LSAMP: variants seen among roughly 807,000 people sequenced by gnomAD.
The protein encoded by LSAMP is limbic system-associated membrane protein.
A neutral mutation model predicts 38.6 loss-of-function variants in LSAMP; 7 were observed. That is an observed-to-expected ratio of 0.18 (90% CI 0.10 to 0.34). LSAMP has a LOEUF of 0.34. LSAMP is among the 10% of genes least tolerant of loss of function. The pLI, the probability that LSAMP is intolerant of heterozygous loss-of-function variation, is 1.00. For synonymous variants in LSAMP, 154 were observed against 166.8 expected, an observed-to-expected ratio of 0.92 and a Z score of 0.59; for missense variants, 313 against 420.0, an observed-to-expected ratio of 0.75 and a Z score of 2.23.
chr3:116,003,934 C>T (rs1402726350), intron 3 of LSAMP, among the ~76,000 whole-genome samples: 1 of 152,090 alleles, frequency 6.6e-6, no homozygotes, highest in Non-Finnish European at 1.5e-5. Context: ...AAGCCATGCA[C>T]GTTTGTGATT....
rs574207971 is a variant in LSAMP, at chr3:115,866,513, A to G, written c.515-13896T>C. On this transcript the variant is annotated intron_variant, in intron 3 of 6. Coordinates refer to ENST00000490035, the MANE Select transcript of LSAMP (RefSeq NM_002338.5). ...GGATTTTGTTACAAAAGCACCTTTG[A>G]TGGGTGGATAAGCTGTTGGTGAACT... 2.0e-5 allele frequency among the ~76,000 whole-genome samples: 3 copies of G among 152,230 alleles called. No homozygotes were observed. In the South Asian group the frequency reaches 6.2e-4, roughly 32 times the overall value.
chr3:116,034,043 G>A (rs1181277710), intron 2 of LSAMP, among the ~76,000 whole-genome samples: 1 of 152,032 alleles, frequency 6.6e-6, no homozygotes, highest in African/African-American at 2.4e-5. Context: ...TTGAGCACAG[G>A]ATGAGGAAAG....
intron 4 of LSAMP, among the ~76,000 whole-genome samples, chr3:115,849,473 T>C (rs991818559): frequency 3.8e-5 from 5 of 131,422 alleles, no homozygotes; most frequent in African/African-American, 1.6e-4. Context: ...TTAATAGCCC[T>C]GAGATTTTTT....
At chr3:116,377,302 TC>T (rs2048506328) in intron 1 of LSAMP, among the ~76,000 whole-genome samples, 1 of 152,034 alleles carries the variant, frequency 6.6e-6, no homozygotes, top group African/African-American at 2.4e-5. Context: ...ATTGTTCAGC[TC>T]CCACTTATAA....
intron 1 of LSAMP, among the ~76,000 whole-genome samples, chr3:116,385,749 G>A (rs896950431): frequency 6.6e-6 from 1 of 152,080 alleles, no homozygotes; most frequent in Non-Finnish European, 1.5e-5. Flanking sequence ...TTGGGAAATT[G>A]AACACAACAG....
At chr3:116,266,857 AAC>A (rs1160554667) in intron 1 of LSAMP, among the ~76,000 whole-genome samples, 1 of 152,162 alleles carries the variant, frequency 6.6e-6, no homozygotes, top group African/African-American at 2.4e-5. Context: ...AAGAGGCAAA[AAC>A]ACAGCAACAC....
At chr3:115,958,990 G>A (rs2107590560) in intron 3 of LSAMP, among the ~76,000 whole-genome samples, 1 of 152,066 alleles carries the variant, frequency 6.6e-6, no homozygotes, top group East Asian at 1.9e-4. Context: ...GTGCCTAGAG[G>A]GAGGAGTGCC....
At chr3:116,371,881 A>C (rs1559845227) in intron 1 of LSAMP, among the ~76,000 whole-genome samples, 1 of 152,126 alleles carries the variant, frequency 6.6e-6, no homozygotes, top group African/African-American at 2.4e-5. Context: ...ATTTCTATAC[A>C]CTAAAAATGA....
intron 1 of LSAMP, among the ~76,000 whole-genome samples, chr3:116,367,309 G>T (rs927531087): frequency 7.2e-5 from 11 of 152,152 alleles, no homozygotes; most frequent in Non-Finnish European, 1.3e-4. Context: ...AAGGTAAAAA[G>T]AGAAATCAGG....
At chr3:116,437,797 G>C (rs1317144646) in intron 1 of LSAMP, among the ~76,000 whole-genome samples, 3 of 152,102 alleles carry the variant, frequency 2.0e-5, no homozygotes, top group African/African-American at 7.2e-5. Context: ...AATCTCAGTG[G>C]TACTGTGAAA....
intron 1 of LSAMP, among the ~76,000 whole-genome samples, chr3:116,101,781 A>G (rs1708353591): frequency 6.6e-6 from 1 of 152,176 alleles, no homozygotes; most frequent in African/African-American, 2.4e-5. Flanking sequence ...AGTGAAAACA[A>G]AAACTGATTT....
intron 3 of LSAMP, among the ~76,000 whole-genome samples, chr3:115,975,560 G>C (rs1939161699): frequency 6.6e-6 from 1 of 152,022 alleles, no homozygotes; most frequent in Non-Finnish European, 1.5e-5. Context: ...AAGCGAGAGG[G>C]GAGATTATAG....
chr3:116,398,743 G>A (rs1429595115), intron 1 of LSAMP, among the ~76,000 whole-genome samples: 2 of 152,180 alleles, frequency 1.3e-5, no homozygotes, highest in Non-Finnish European at 2.9e-5. Context: ...GGCCATTCAT[G>A]TATTAAGAAT....
chr3:116,147,511 G>T (rs1709516787), intron 1 of LSAMP, among the ~76,000 whole-genome samples: 1 of 151,876 alleles, frequency 6.6e-6, no homozygotes, highest in Non-Finnish European at 1.5e-5. Context: ...AATTTTTGGT[G>T]ACTCTATCCT....
chr3:116,164,367 T>C (rs2062109452), intron 1 of LSAMP, among the ~76,000 whole-genome samples: 1 of 151,576 alleles, frequency 6.6e-6, no homozygotes, highest in Admixed American at 6.6e-5. Context: ...GTAAGAGTTG[T>C]GCCAAATACT....
intron 3 of LSAMP, among the ~76,000 whole-genome samples, chr3:115,990,721 C>T (rs530277167): frequency 8.5e-5 from 13 of 152,188 alleles, no homozygotes; most frequent in East Asian, 5.8e-4. Context: ...CTATCATCAA[C>T]GGCCTTGTCT....
At chr3:116,136,473 A>T (rs2107509200) in intron 1 of LSAMP, among the ~76,000 whole-genome samples, 1 of 152,002 alleles carries the variant, frequency 6.6e-6, no homozygotes, top group Non-Finnish European at 1.5e-5. Context: ...TGATTGCTGC[A>T]TTAAATTTAT....
At chr3:116,249,417 ACT>A (rs2046650061) in intron 1 of LSAMP, among the ~76,000 whole-genome samples, 2 of 150,272 alleles carry the variant, frequency 1.3e-5, no homozygotes, top group Non-Finnish European at 3.0e-5. Flanking sequence ...TGGGAGTCTC[ACT>A]CTGTCATCCA....
intron 3 of LSAMP, among the ~76,000 whole-genome samples, chr3:116,007,357 T>A (rs1940191589): frequency 6.6e-6 from 1 of 152,200 alleles, no homozygotes; most frequent in Non-Finnish European, 1.5e-5. Flanking sequence ...TTTATTGGCA[T>A]GTCTTTTATG....
Sources: allele counts gnomAD v4.1 joint callset (sites outside exome capture counted in the v4.1 genomes callset), GRCh38; gene constraint gnomAD v4.1.1; transcripts MANE v1.5; gene names NCBI Gene and HGNC (gene_info 2026-07-23, HGNC 2026-07-21).